TMPRSS5: variants seen among roughly 807,000 people sequenced by gnomAD.
TMPRSS5 encodes the protein transmembrane serine protease 5, also known as transmembrane protease serine 5.
Under a neutral mutation model 59.7 loss-of-function variants are expected in TMPRSS5, and 45 were observed. That is an observed-to-expected ratio of 0.75 (90% CI 0.59 to 0.97). The LOEUF is 0.97. Ranked by LOEUF, TMPRSS5 falls within the 50% of genes least tolerant of loss-of-function variation. The pLI, the probability that TMPRSS5 is intolerant of heterozygous loss-of-function variation, is 0.00. For missense variants in TMPRSS5, 585 were observed against 596.7 expected (o/e 0.98, Z 0.20); for synonymous variants, 225 against 232.0 (o/e 0.97, Z 0.27).
At chr11:113,699,297 C>G (rs1005614431) in intron 3 of TMPRSS5, among the ~76,000 whole-genome samples, 1 of 144,746 alleles carries the variant, frequency 6.9e-6, no homozygotes, top group African/African-American at 2.6e-5. Flanking sequence ...CTCTCTGTCT[C>G]TCTCTCTCTC....
At chr11:113,701,598 A>G (rs1953135569) in intron 1 of TMPRSS5, among the ~76,000 whole-genome samples, 1 of 152,020 alleles carries the variant, frequency 6.6e-6, no homozygotes, top group Admixed American at 6.6e-5. Context: ...CACCCACATG[A>G]CCAACACAGT....
At chr11:113,705,906 A>G (rs1223498848) in intron 1 of TMPRSS5, among the ~76,000 whole-genome samples, 2 of 152,242 alleles carry the variant, frequency 1.3e-5, no homozygotes, top group Non-Finnish European at 2.9e-5. Flanking sequence ...GCCTAGAAAA[A>G]AAAATGGCCT....
At chr11:113,694,695 G>T (rs761811939) in intron 7 of TMPRSS5, 55 bp from the exon 8 acceptor site, 2 of 1,470,230 alleles carry the variant, frequency 1.4e-6, no homozygotes, top group Non-Finnish European at 1.8e-6. Flanking sequence ...TGTCAGCATG[G>T]TCCTAACTCT....
At position 113,688,087 on chromosome 11, in the gene TMPRSS5, C is replaced by T. The variant is rs545275655; in HGVS notation, c.*173G>A. 4.0e-4 allele frequency: 426 copies of T among 1,053,458 alleles called. 2 individuals carry two copies. The African/African-American group carries it at 6.3e-3, about 16-fold the overall frequency. 65.3% of individuals were successfully genotyped at this position (1,053,458 alleles called of 1,614,324 possible). A position where few individuals can be genotyped will look rare whatever the true frequency, so the allele number is the denominator to read the frequency against. On this transcript the variant is annotated 3_prime_UTR_variant, in exon 13 of 13. Coordinates refer to ENST00000299882, the MANE Select transcript of TMPRSS5 (RefSeq NM_030770.4). Reference sequence around the variant, plus strand: ...TGAAATCAGGGCCCAAGAGGAGAGACCTGTTGGCTGGGTGGCTGGCCAGTG... The same window carrying T: ...TGAAATCAGGGCCCAAGAGGAGAGATCTGTTGGCTGGGTGGCTGGCCAGTG...
chr11:113,694,625 G>A lies in TMPRSS5; in HGVS notation c.638C>T (p.Pro213Leu). The A allele has an allele frequency of 6.5e-7, 1 of 1,547,616 alleles. No individual in the cohort carries two copies. Among genetic ancestry groups the A allele is most frequent in the Non-Finnish European group, 8.7e-7 (1 of 1,145,970 alleles). The change falls in exon 8 of 13, where the codon CCC becomes CTC. Residue 213 changes from proline (P) to leucine (L), a missense_variant. Pro to Leu is a moderately conservative substitution (Grantham distance 98). Transcript: ENST00000299882. ...CCCACCAACTATCCGGGAAGCCAGG[G>A]GCCTCGCTCCACACTCTGCCAACAG... ...SLRCSECGAR[P>L]LASRIVGGQS...
At chr11:113,692,023 G>T (rs1254288781) in intron 9 of TMPRSS5, among the ~76,000 whole-genome samples, 1 of 151,634 alleles carries the variant, frequency 6.6e-6, no homozygotes, top group Non-Finnish European at 1.5e-5. Context: ...GAGTAGCTGG[G>T]ACTACAGGCA....
intron 9 of TMPRSS5, 24 bp downstream of exon 9, chr11:113,693,047 C>A: frequency 6.4e-6 from 10 of 1,550,674 alleles, no homozygotes; most frequent in Non-Finnish European, 8.7e-6. Flanking sequence ...CTCCAGCCTG[C>A]CCACCCTCAA....
At position 113,694,626 on chromosome 11, in the gene TMPRSS5, G is replaced by T; in HGVS notation, c.637C>A (p.Pro213Thr). 6.5e-7 allele frequency: 1 copy of T among 1,547,376 alleles called. No individual in the cohort carries two copies. Among genetic ancestry groups the T allele is most frequent in the Non-Finnish European group, 8.7e-7 (1 of 1,145,862 alleles). ...SLRCSECGAR[P>T]LASRIVGGQS... ...CCACCAACTATCCGGGAAGCCAGGG[G>T]CCTCGCTCCACACTCTGCCAACAGA... Residue 213 changes from proline (P) to threonine (T), a missense_variant, in exon 8 of 13, where the codon CCC (proline) becomes ACC (threonine). Physicochemically the swap from Pro to Thr is conservative, Grantham distance 38 (BLOSUM62 -1). Coordinates refer to ENST00000299882, the MANE Select transcript of TMPRSS5 (RefSeq NM_030770.4).
At position 113,695,433 on chromosome 11, in the gene TMPRSS5, T is replaced by G. The variant is rs759715995; in HGVS notation, c.589A>C (p.Thr197Pro). The change falls in exon 7 of 13, where the codon ACT becomes CCT. Residue 197 changes from threonine to proline, a missense_variant. Physicochemically the swap from Thr to Pro is conservative, Grantham distance 38. Transcript: ENST00000299882. ...EEAWQPRNNC[T>P]SGQVVSLRCS... is the part of the protein sequence containing the mutation. ...CTGAGGGAAACAACTTGACCAGAAG[T>G]GCAGTTGTTCCTGCAAAACAGAGGT... 1.5e-5 allele frequency: 24 copies of G among 1,613,782 alleles called. No individual in the cohort carries two copies. The highest frequency in any genetic ancestry group is 1.9e-5 in the Non-Finnish European group (22 of 1,179,870).
chr11:113,697,257 C>T, intron 5 of TMPRSS5, 26 bp downstream of exon 5: 4 of 1,596,370 alleles, frequency 2.5e-6, no homozygotes, highest in Non-Finnish European at 2.6e-6. Flanking sequence ...TCCCCCTTCA[C>T]AGGACCCACA....
intron 12 of TMPRSS5, 37 bp from the exon 13 acceptor site, chr11:113,688,311 G>A: frequency 6.9e-7 from 1 of 1,447,902 alleles, no homozygotes; most frequent in South Asian, 1.2e-5. Flanking sequence ...TCACAGCATG[G>A]CTCTACACTA....
In TMPRSS5 at chr11:113,693,196, T is replaced by G. The variant is rs1156761492; in HGVS notation, c.839A>C (p.His280Pro). Residue 280 changes from histidine (H) to proline (P), a missense_variant, in exon 9 of 13, where the codon CAC becomes CCC. Coordinates refer to ENST00000299882, the MANE Select transcript of TMPRSS5 (RefSeq NM_030770.4). Reference sequence around the variant, plus strand: ...CCCTTGGTGGGGCCTGACGGCACTGTGGCTGACCAGCCCCGCATGAACCCG... The same window carrying G: ...CCCTTGGTGGGGCCTGACGGCACTGGGGCTGACCAGCCCCGCATGAACCCG... ...SWRVHAGLVS[H>P]SAVRPHQGAL... 6.3e-7 allele frequency: 1 copy of G among 1,599,228 alleles called. No individual in the cohort carries two copies. Among genetic ancestry groups the G allele is most frequent in the East Asian group, 2.3e-5 (1 of 44,250 alleles).
chr11:113,688,393 C>A, intron 12 of TMPRSS5, 119 bp from the exon 13 acceptor site: 1 of 688,724 alleles, frequency 1.5e-6, no homozygotes, highest in Non-Finnish European at 2.5e-6. Context: ...TCAAATGAGG[C>A]TAAAAATATC....
At position 113,696,955 on chromosome 11, in the gene TMPRSS5, C is replaced by G; in HGVS notation, c.481G>C (p.Gly161Arg). ...LGHLRLTHHK[G>R]VNLTDIKLNS... is the part of the protein sequence containing the mutation. Reference sequence around the variant, plus strand: ...AGTTTGATGTCAGTGAGGTTTACTCCCTTGTGGTGAGTGAGTCTTGGCAGA... The same window carrying G: ...AGTTTGATGTCAGTGAGGTTTACTCGCTTGTGGTGAGTGAGTCTTGGCAGA... Residue 161 changes from glycine to arginine, a missense_variant, in exon 6 of 13, where the codon GGA becomes CGA. Gly to Arg is a moderately radical substitution (Grantham distance 125). Transcript: ENST00000299882. The G allele has an allele frequency of 6.3e-7, 1 of 1,576,418 alleles. No individual in the cohort carries two copies. The highest frequency in any genetic ancestry group is 1.2e-5 in the South Asian group (1 of 85,658).
intron 2 of TMPRSS5, 115 bp from the exon 3 acceptor site, chr11:113,699,808 C>T (rs1953074239): frequency 2.9e-6 from 4 of 1,392,326 alleles, no homozygotes; most frequent in East Asian, 2.5e-5. Flanking sequence ...AGGACACCTC[C>T]TCCTGCCCCA....
chr11:113,692,682 G>A (rs771277536), intron 9 of TMPRSS5, among the ~76,000 whole-genome samples: 7 of 152,254 alleles, frequency 4.6e-5, no homozygotes, highest in East Asian at 1.9e-4. Context: ...GGGTTGTTAC[G>A]AGGACTGAAA....
intron 10 of TMPRSS5, 90 bp from the exon 11 acceptor site, chr11:113,690,463 G>C: frequency 6.7e-7 from 1 of 1,503,684 alleles, no homozygotes; most frequent in Non-Finnish European, 8.9e-7. Flanking sequence ...AAGTCCCAGA[G>C]ACAGGGAGAC....
At chr11:113,688,903 T>A (rs1952678487) in intron 12 of TMPRSS5, among the ~76,000 whole-genome samples, 1 of 152,104 alleles carries the variant, frequency 6.6e-6, no homozygotes, top group South Asian at 2.1e-4. Flanking sequence ...GGCCTTCCCA[T>A]TGAACAGATG....
chr11:113,704,328 C>T (rs533294550), intron 1 of TMPRSS5, among the ~76,000 whole-genome samples: 1 of 152,318 alleles, frequency 6.6e-6, no homozygotes, highest in Non-Finnish European at 1.5e-5. Context: ...CTCCTGCTTT[C>T]CAAGGAATAA....
Sources: allele counts gnomAD v4.1 joint callset (sites outside exome capture counted in the v4.1 genomes callset), GRCh38; gene constraint gnomAD v4.1.1; transcripts MANE v1.5; gene names NCBI Gene and HGNC (gene_info 2026-07-23, HGNC 2026-07-21).